The following ADAMTSL1 variants were observed in gnomAD, a reference collection of about 807,000 sequenced individuals.
ADAMTSL1 encodes the protein ADAMTS-like protein 1.
ADAMTSL1 carries 126 observed loss-of-function variants against 201.8 expected under a neutral mutation model. The ratio of observed to expected loss-of-function variants is 0.62; its 90% CI spans 0.54 to 0.72. ADAMTSL1 has a LOEUF of 0.72. ADAMTSL1 is among the 30% of genes least tolerant of loss of function. The probability of loss-of-function intolerance (pLI) is 0.00; values close to 1 mark genes in which losing one functional copy is unlikely to be tolerated. For missense variants in ADAMTSL1, 2,679 were observed against 2,277.8 expected, an observed-to-expected ratio of 1.18 and a Z score of -3.59; for synonymous variants, 1,121 against 903.4, an observed-to-expected ratio of 1.24 and a Z score of -4.32.
At chr9:18,243,035 T>C (rs1831128440) in intron 2 of ADAMTSL1, among the ~76,000 whole-genome samples, 1 of 152,070 alleles carries the variant, frequency 6.6e-6, no homozygotes, top group South Asian at 2.1e-4. Context: ...ATAGCCAAAA[T>C]GTTTCTGAGA....
At chr9:18,524,814 T>C (rs1382492704) in intron 2 of ADAMTSL1, among the ~76,000 whole-genome samples, 1 of 152,196 alleles carries the variant, frequency 6.6e-6, no homozygotes, top group East Asian at 1.9e-4. Context: ...GTGGACAAGC[T>C]TTTTGATGTG....
At chr9:18,578,873 C>T (rs904747434) in intron 4 of ADAMTSL1, among the ~76,000 whole-genome samples, 1 of 151,172 alleles carries the variant, frequency 6.6e-6, no homozygotes, top group Non-Finnish European at 1.5e-5. Context: ...TATTTCTCCA[C>T]ATCCTCTCCA....
At chr9:18,308,547 A>G (rs995961696) in intron 2 of ADAMTSL1, among the ~76,000 whole-genome samples, 1 of 152,204 alleles carries the variant, frequency 6.6e-6, no homozygotes, top group Non-Finnish European at 1.5e-5. Context: ...CCATCAGAGA[A>G]TACTACAAAC....
At chr9:18,266,841 G>C (rs1207305736) in intron 2 of ADAMTSL1, among the ~76,000 whole-genome samples, 2 of 152,110 alleles carry the variant, frequency 1.3e-5, no homozygotes, top group East Asian at 3.9e-4. Context: ...GATGAAAAAA[G>C]AGTTGATTAG....
At chr9:18,247,936 A>T (rs1196873764) in intron 2 of ADAMTSL1, among the ~76,000 whole-genome samples, 2 of 152,014 alleles carry the variant, frequency 1.3e-5, no homozygotes, top group African/African-American at 4.8e-5. Flanking sequence ...TGTGCAGAAG[A>T]TGGCTTGATC....
intron 2 of ADAMTSL1, among the ~76,000 whole-genome samples, chr9:18,389,595 T>G (rs1218543774): frequency 1.3e-5 from 2 of 152,206 alleles, no homozygotes; most frequent in Non-Finnish European, 2.9e-5. Context: ...TCATAGATCC[T>G]AAGTGTGGAG....
chr9:18,892,647 C>T (rs1479020350), intron 26 of ADAMTSL1, 51 bp downstream of exon 26: 15 of 1,527,302 alleles, frequency 9.8e-6, no homozygotes, highest in Non-Finnish European at 1.3e-5. Context: ...AAGGAATGGA[C>T]CCTGCCACAG....
At chr9:18,513,857 A>T (rs1818190414) in intron 2 of ADAMTSL1, among the ~76,000 whole-genome samples, 1 of 152,182 alleles carries the variant, frequency 6.6e-6, no homozygotes, top group Admixed American at 6.5e-5. Flanking sequence ...TTACACTGGC[A>T]TATCTTTACA....
At chr9:18,556,056 G>C (rs73644242) in intron 3 of ADAMTSL1, among the ~76,000 whole-genome samples, 32 of 152,092 alleles carry the variant, frequency 2.1e-4, no homozygotes, top group Non-Finnish European at 4.6e-4. Flanking sequence ...CTCAGGATCT[G>C]TAAGGAACAC....
At chr9:18,470,763 C>A (rs1208278964), upstream of ADAMTSL1, among the ~76,000 whole-genome samples, 1 of 152,218 alleles carries the variant, frequency 6.6e-6, no homozygotes. Context: ...TGCTTCTGTC[C>A]AAGCTGGTGT....
At chr9:18,545,178 T>C (rs1396071626) in intron 3 of ADAMTSL1, among the ~76,000 whole-genome samples, 1 of 152,194 alleles carries the variant, frequency 6.6e-6, no homozygotes, top group African/African-American at 2.4e-5. Context: ...TGGTACCTTA[T>C]GACCTTTTGC....
intron 1 of ADAMTSL1, among the ~76,000 whole-genome samples, chr9:17,949,090 A>C (rs1588463454): frequency 6.6e-6 from 1 of 152,234 alleles, no homozygotes; most frequent in African/African-American, 2.4e-5. Flanking sequence ...TGAAGGTACA[A>C]TGTTAAAGCA....
chr9:18,808,640 G>A (rs1172766417), intron 20 of ADAMTSL1, among the ~76,000 whole-genome samples: 4 of 152,128 alleles, frequency 2.6e-5, no homozygotes, highest in Non-Finnish European at 4.4e-5. Flanking sequence ...AAGCTCTCTG[G>A]TCCCTAACCT....
intron 2 of ADAMTSL1, among the ~76,000 whole-genome samples, chr9:18,243,852 A>T (rs573537827): frequency 6.5e-4 from 97 of 149,744 alleles, no homozygotes; most frequent in Non-Finnish European, 1.1e-3. Context: ...GGAAGACGAG[A>T]CTCTTCCTGA....
intron 15 of ADAMTSL1, among the ~76,000 whole-genome samples, chr9:18,730,408 G>C (rs1204727807): frequency 3.3e-5 from 5 of 152,248 alleles, no homozygotes; most frequent in Non-Finnish European, 7.3e-5. Flanking sequence ...TTCAGGAACA[G>C]TTCATACTTG....
At chr9:17,926,622 A>G (rs755855384) in intron 1 of ADAMTSL1, among the ~76,000 whole-genome samples, 2 of 152,326 alleles carry the variant, frequency 1.3e-5, no homozygotes, top group South Asian at 2.1e-4. Flanking sequence ...TCTCCTGCCA[A>G]TGGTTAAAAC....
intron 10 of ADAMTSL1, among the ~76,000 whole-genome samples, chr9:18,679,045 T>TAAC (rs1238603328): frequency 6.6e-6 from 1 of 152,156 alleles, no homozygotes; most frequent in Non-Finnish European, 1.5e-5. Context: ...GGCAGGCAGA[T>TAAC]AACAGTTGTT....
chr9:18,521,272 G>T (rs2132030836), intron 2 of ADAMTSL1, among the ~76,000 whole-genome samples: 1 of 152,090 alleles, frequency 6.6e-6, no homozygotes, highest in African/African-American at 2.4e-5. Flanking sequence ...GAGAGGAGGG[G>T]CCTCAAAGTA....
rs1819087527 is a variant in ADAMTSL1 at position 18,745,489 on chromosome 9, T to C, written c.2007-7809T>C. On this transcript the variant is annotated intron_variant, in intron 15 of 28. Coordinates refer to ENST00000380548, the MANE Select transcript of ADAMTSL1 (RefSeq NM_001040272.6). The stretch of plus-strand genomic sequence containing the variant: ...ACAACATACTATTTCAGGCTCATTT[T>C]TTATTCTCCCAATTCCTGCCCAGAC... Among the ~76,000 whole-genome samples the C allele has an allele frequency of 2.0e-5, 3 of 152,172 alleles. No homozygotes were observed. The South Asian group carries it at 6.2e-4, about 32-fold the overall frequency.
Sources: gnomAD v4.1 joint callset for allele counts (sites outside exome capture counted in the v4.1 genomes callset) on GRCh38, gnomAD v4.1.1 for gene constraint, MANE v1.5 for transcripts, NCBI Gene and HGNC (gene_info 2026-07-23, HGNC 2026-07-21) for gene names.